NTF3: variants seen among roughly 807,000 people sequenced by gnomAD.
NTF3 encodes neurotrophin-3.
A neutral mutation model predicts 26.3 loss-of-function variants in NTF3; 8 were observed. The observed-to-expected ratio is 0.30, with a 90% CI of 0.18 to 0.55. NTF3 has a LOEUF of 0.55. Ranked by LOEUF, NTF3 falls within the 20% of genes least tolerant of loss-of-function variation. The probability of loss-of-function intolerance (pLI) is 0.93; values close to 1 mark genes in which losing one functional copy is unlikely to be tolerated. For missense variants in NTF3, 276 were observed against 352.9 expected (o/e 0.78, Z 1.75); for synonymous variants, 154 against 145.5 (o/e 1.06, Z -0.42).
intron 1 of NTF3, among the ~76,000 whole-genome samples, chr12:5,485,141 C>T (rs748162550): frequency 5.3e-5 from 8 of 152,160 alleles, no homozygotes; most frequent in Non-Finnish European, 7.3e-5. Flanking sequence ...ACAATTGATC[C>T]CACTAGCCCC....
chr12:5,464,832 A>G (rs892269510), intron 1 of NTF3, among the ~76,000 whole-genome samples: 2 of 152,174 alleles, frequency 1.3e-5, no homozygotes, highest in African/African-American at 4.8e-5. Flanking sequence ...AGGTGTTTAC[A>G]TCCCAGGGTT....
chr12:5,494,483 C>G lies in NTF3; in HGVS notation c.308C>G (p.Thr103Ser). Residue 103 changes from threonine to serine, a missense_variant, in exon 2 of 2, where the codon ACC becomes AGC. Physicochemically the swap from Thr to Ser is moderately conservative, Grantham distance 58. Coordinates refer to ENST00000423158, the MANE Select transcript of NTF3 (RefSeq NM_001102654.2). The surrounding 1 kb of genome is among the most constrained non-coding windows in gnomAD (Gnocchi z 8.3). ...TTCCAGCCGGTGATTGCAATGGACA[C>G]CGAACTGCTGCGACAACAGAGACGC... ...SAFQPVIAMD[T>S]ELLRQQRRYN... 6.2e-7 allele frequency: 1 copy of G among 1,613,812 alleles called. No individual in the cohort carries two copies. Among genetic ancestry groups the G allele is most frequent in the Non-Finnish European group, 8.5e-7 (1 of 1,180,026 alleles).
At chr12:5,471,917 G>A (rs564071623) in intron 1 of NTF3, among the ~76,000 whole-genome samples, 14 of 152,230 alleles carry the variant, frequency 9.2e-5, no homozygotes, top group African/African-American at 1.4e-4. Context: ...TCATGCCTGC[G>A]AGTCTCATGC....
chr12:5,481,403 TAAC>T (rs1393611481), intron 1 of NTF3, among the ~76,000 whole-genome samples: 96 of 20,996 alleles, frequency 4.6e-3, no homozygotes, highest in Non-Finnish European at 7.8e-3. Context: ...GCACACAGAA[TAAC>T]AACACCACAC....
At chr12:5,482,801 A>G (rs1251699951) in intron 1 of NTF3, among the ~76,000 whole-genome samples, 2 of 138,686 alleles carry the variant, frequency 1.4e-5, no homozygotes, top group Non-Finnish European at 3.1e-5. Context: ...TTCTCTCTGT[A>G]TCGCTCTTTT....
At chr12:5,446,599 G>T (rs1192062202) in intron 1 of NTF3, among the ~76,000 whole-genome samples, 2 of 152,180 alleles carry the variant, frequency 1.3e-5, no homozygotes, top group Non-Finnish European at 2.9e-5. Context: ...AGGACAGCCA[G>T]GGAGTAGAGG....
chr12:5,466,068 G>A (rs1192299920), intron 1 of NTF3, among the ~76,000 whole-genome samples: 1 of 152,202 alleles, frequency 6.6e-6, no homozygotes, highest in East Asian at 1.9e-4. Flanking sequence ...CAGCCTCCCT[G>A]AAGAATATCA....
intron 1 of NTF3, among the ~76,000 whole-genome samples, chr12:5,473,056 C>G (rs1019105179): frequency 6.6e-6 from 1 of 152,152 alleles, no homozygotes; most frequent in Non-Finnish European, 1.5e-5. Flanking sequence ...AAAAACAGCT[C>G]CTGGCCCGTC....
Position 5,494,488 on chromosome 12 carries a change from C to G in NTF3, c.313C>G (p.Leu105Val), listed in dbSNP as rs1310610914. The change falls in exon 2 of 2, where the codon CTG becomes GTG. Residue 105 changes from leucine to valine, a missense_variant. By Grantham distance (32) the Leu-to-Val change is conservative. Around this residue, in one of 3 missense-constraint regions of NTF3, gnomAD observed 221 missense variants for 258.2 expected, o/e 0.86. Coordinates refer to ENST00000423158, the MANE Select transcript of NTF3 (RefSeq NM_001102654.2). The surrounding 1 kb of genome is among the most constrained non-coding windows in gnomAD (Gnocchi z 8.3). ...FQPVIAMDTE[L>V]LRQQRRYNSP... is the part of the protein sequence containing the mutation. ...GCCGGTGATTGCAATGGACACCGAA[C>G]TGCTGCGACAACAGAGACGCTACAA... The G allele has an allele frequency of 6.2e-7, 1 of 1,613,768 alleles. No individual in the cohort carries two copies. Among genetic ancestry groups the G allele is most frequent in the Non-Finnish European group, 8.5e-7 (1 of 1,180,040 alleles).
intron 1 of NTF3, among the ~76,000 whole-genome samples, chr12:5,474,290 A>C (rs1292268872): frequency 1.3e-5 from 2 of 152,228 alleles, no homozygotes; most frequent in Non-Finnish European, 2.9e-5. Context: ...GACAGGCAAG[A>C]AAAAGGATGG....
intron 1 of NTF3, among the ~76,000 whole-genome samples, chr12:5,466,216 A>T (rs568614361): frequency 2.8e-4 from 42 of 152,304 alleles, no homozygotes; most frequent in Admixed American, 1.2e-3. Flanking sequence ...GGCCAGCTCC[A>T]TGACCTCTCA....
chr12:5,437,390 A>G lies in NTF3; in HGVS notation c.18+5048A>G, dbSNP rs994354947. Among the ~76,000 whole-genome samples, 13 of 152,338 alleles carry G rather than the reference A, an allele frequency of 8.5e-5. No individual in the cohort carries two copies. The South Asian group carries it at 2.7e-3, about 32-fold the overall frequency. Reference sequence around the variant, plus strand: ...GGACAGGCCAGCAGAGTTTAATTACATAACATTTCCCATGTCTTCACTTCC... The same window carrying G: ...GGACAGGCCAGCAGAGTTTAATTACGTAACATTTCCCATGTCTTCACTTCC... On this transcript the variant is annotated intron_variant, in intron 1 of 1. Coordinates refer to ENST00000423158, the MANE Select transcript of NTF3 (RefSeq NM_001102654.2).
chr12:5,479,527 A>G (rs1940762410), intron 1 of NTF3, among the ~76,000 whole-genome samples: 2 of 152,210 alleles, frequency 1.3e-5, no homozygotes, highest in Admixed American at 1.3e-4. Flanking sequence ...CTTTGAACAT[A>G]GAGAAGGCTA....
At chr12:5,470,334 CT>C (rs1315082185) in intron 1 of NTF3, among the ~76,000 whole-genome samples, 2 of 152,246 alleles carry the variant, frequency 1.3e-5, no homozygotes, top group African/African-American at 4.8e-5. Context: ...TCTCTCTCAT[CT>C]CCGCCAAGAG....
chr12:5,474,098 G>A (rs1407899829), intron 1 of NTF3, among the ~76,000 whole-genome samples: 1 of 152,210 alleles, frequency 6.6e-6, no homozygotes, highest in Non-Finnish European at 1.5e-5. Flanking sequence ...GTGAAAGGGT[G>A]AGCTGACAAT....
chr12:5,452,000 A>G (rs1940379065), intron 1 of NTF3, among the ~76,000 whole-genome samples: 1 of 150,446 alleles, frequency 6.6e-6, no homozygotes, highest in South Asian at 2.1e-4. Context: ...GCTCCCTTTT[A>G]TAAATAAGGG....
chr12:5,452,397 C>T (rs1940386833), intron 1 of NTF3, among the ~76,000 whole-genome samples: 1 of 152,142 alleles, frequency 6.6e-6, no homozygotes, highest in Non-Finnish European at 1.5e-5. Flanking sequence ...GCCTGGCCCT[C>T]TCCATGTCTT....
intron 1 of NTF3, among the ~76,000 whole-genome samples, chr12:5,458,270 G>C (rs1241023943): frequency 6.6e-6 from 1 of 152,154 alleles, no homozygotes; most frequent in Non-Finnish European, 1.5e-5. Flanking sequence ...CTGACTGTTA[G>C]TATGCAGCAG....
chr12:5,481,638 T>TACACCAAACAGACACACTC (rs1565395411), intron 1 of NTF3, among the ~76,000 whole-genome samples: 192 of 140,840 alleles, frequency 1.4e-3, no homozygotes, highest in African/African-American at 4.8e-3. Flanking sequence ...CATGCACACA[T>TACACCAAACAGACACACTC]ACAGATATAC....
Sources: allele counts gnomAD v4.1 joint callset (sites outside exome capture counted in the v4.1 genomes callset), GRCh38; gene constraint gnomAD v4.1.1; regional missense constraint gnomAD v4.1.1; non-coding constraint Gnocchi (gnomAD v3.1); transcripts MANE v1.5; gene names NCBI Gene and HGNC (gene_info 2026-07-23, HGNC 2026-07-21).